Variants in LMBR1 observed in about 807,000 individuals in gnomAD.
LMBR1 encodes the protein limb development membrane protein 1.
A neutral mutation model predicts 73.9 loss-of-function variants in LMBR1; 52 were observed. That is an observed-to-expected ratio of 0.70 (90% CI 0.56 to 0.89). The LOEUF is 0.89. Ranked by LOEUF, LMBR1 falls within the 40% of genes least tolerant of loss-of-function variation. The pLI is 0.00. For synonymous variants in LMBR1, 215 were observed against 209.4 expected (o/e 1.03, Z -0.23); for missense variants, 539 against 579.8 (o/e 0.93, Z 0.72).
chr7:156,892,612 A>C, intron 1 of LMBR1: 7 of 235,144 alleles, frequency 3.0e-5, no homozygotes, highest in East Asian at 8.5e-5. Flanking sequence ...GCGGGAAGGG[A>C]AGGGCAGCAC....
intron 4 of LMBR1, among the ~76,000 whole-genome samples, chr7:156,814,532 T>C (rs983022710): frequency 6.6e-6 from 1 of 152,184 alleles, no homozygotes; most frequent in African/African-American, 2.4e-5. Flanking sequence ...AAAATCTAAT[T>C]TCAGTAAAAT....
intron 1 of LMBR1, among the ~76,000 whole-genome samples, chr7:156,844,565 A>G (rs1280778570): frequency 6.6e-6 from 1 of 152,060 alleles, no homozygotes; most frequent in African/African-American, 2.4e-5. Context: ...ACCAAAAAAA[A>G]GAAAAAAACA....
chr7:156,837,213 C>T (rs920389651), intron 1 of LMBR1, among the ~76,000 whole-genome samples: 1 of 151,184 alleles, frequency 6.6e-6, no homozygotes, highest in Non-Finnish European at 1.5e-5. Context: ...GGTGCACCTG[C>T]AATCCCAGCT....
At chr7:156,790,953 A>G (rs1243072194) in intron 5 of LMBR1, among the ~76,000 whole-genome samples, 1 of 152,206 alleles carries the variant, frequency 6.6e-6, no homozygotes, top group Non-Finnish European at 1.5e-5. Context: ...CAGCATTATC[A>G]GAATAGAGTA....
intron 15 of LMBR1, among the ~76,000 whole-genome samples, 168 bp downstream of exon 15, chr7:156,723,944 G>A (rs1815157310): frequency 6.6e-6 from 1 of 152,118 alleles, no homozygotes; most frequent in Admixed American, 6.6e-5. Flanking sequence ...AAAAGTATTT[G>A]TCTTGGTATG....
intron 5 of LMBR1, among the ~76,000 whole-genome samples, chr7:156,785,846 G>A (rs1827978031): frequency 6.6e-6 from 1 of 152,086 alleles, no homozygotes. Flanking sequence ...TCAAGATGAT[G>A]GGTCTCACAA....
intron 1 of LMBR1, among the ~76,000 whole-genome samples, chr7:156,861,464 G>C (rs1015417639): frequency 2.6e-5 from 4 of 152,150 alleles, no homozygotes; most frequent in African/African-American, 4.8e-5. Flanking sequence ...CTGCCACAAA[G>C]GTCTCTGACA....
intron 1 of LMBR1, among the ~76,000 whole-genome samples, chr7:156,889,261 T>C (rs1362349454): frequency 6.6e-6 from 1 of 152,134 alleles, no homozygotes; most frequent in Non-Finnish European, 1.5e-5. Context: ...CAAGTTTCAG[T>C]TGATGAAAAA....
chr7:156,792,364 C>T (rs1829371366), intron 5 of LMBR1, among the ~76,000 whole-genome samples: 1 of 152,184 alleles, frequency 6.6e-6, no homozygotes, highest in African/African-American at 2.4e-5. Flanking sequence ...CTTTCAAATA[C>T]CTATGAACAT....
chr7:156,692,092 T>G (rs1585207858), intron 15 of LMBR1, among the ~76,000 whole-genome samples: 4 of 152,304 alleles, frequency 2.6e-5, no homozygotes, highest in Middle Eastern at 6.8e-3. Context: ...CTTTTTTTTT[T>G]GAGATGGAGT....
At chr7:156,763,249 A>AT (rs1378343847) in intron 6 of LMBR1, 73 bp from the exon 7 acceptor site, 1 of 647,938 alleles carries the variant, frequency 1.5e-6, no homozygotes, top group African/African-American at 1.9e-5. Context: ...CTATCTTACG[A>AT]TAAGATAGAG....
intron 9 of LMBR1, among the ~76,000 whole-genome samples, chr7:156,739,404 G>A (rs570029303): frequency 6.6e-6 from 1 of 152,324 alleles, no homozygotes; most frequent in African/African-American, 2.4e-5. Context: ...AACCTGGCTG[G>A]CTTCCCCCAC....
chr7:156,887,610 G>A (rs142647520), intron 1 of LMBR1, among the ~76,000 whole-genome samples: 1 of 152,180 alleles, frequency 6.6e-6, no homozygotes, highest in African/African-American at 2.4e-5. Context: ...GCCAGTTGGT[G>A]ATGAATTCTT....
chr7:156,730,280 G>A (rs1470680220), intron 10 of LMBR1, among the ~76,000 whole-genome samples: 2 of 152,220 alleles, frequency 1.3e-5, no homozygotes, highest in Non-Finnish European at 2.9e-5. Flanking sequence ...ACAGAAAGAT[G>A]CAACTATGAG....
rs539978774 is a variant in LMBR1, at chr7:156,789,696, G to T, written c.423+6693C>A. On this transcript the variant is annotated intron_variant, in intron 5 of 16. Coordinates refer to ENST00000353442, the MANE Select transcript of LMBR1 (RefSeq NM_022458.4). The stretch of plus-strand genomic sequence containing the variant: ...CAATTCAACCCCTAGCCTCTCTGGT[G>T]AGCTCTTGTCCTGCAGGCCTGTGGT... Among the ~76,000 whole-genome samples, 8 of 152,194 alleles carry T rather than the reference G, an allele frequency of 5.3e-5. No individual in the cohort carries two copies. Among genetic ancestry groups the T allele is most frequent in the African/African-American group, 1.7e-4 (7 of 41,444 alleles).
intron 5 of LMBR1, among the ~76,000 whole-genome samples, chr7:156,767,304 G>C (rs1344483017): frequency 6.6e-6 from 1 of 152,084 alleles, no homozygotes; most frequent in Non-Finnish European, 1.5e-5. Flanking sequence ...GCACGGAATT[G>C]TTGGTGAACA....
intron 4 of LMBR1, among the ~76,000 whole-genome samples, chr7:156,817,076 T>C (rs1297471366): frequency 2.0e-5 from 3 of 152,182 alleles, no homozygotes; most frequent in African/African-American, 7.2e-5. Context: ...GGTATTTGAA[T>C]TTAAAGTTAT....
Position 156,795,654 on chromosome 7 carries a change from G to A in LMBR1, c.423+735C>T, listed in dbSNP as rs1027443175. The stretch of plus-strand genomic sequence containing the variant: ...CCACAGCTTCAACCTGCAGGCTCAA[G>A]CAATCCTCCCACCTTAGTCTCCAGA... On this transcript the variant is annotated intron_variant, in intron 5 of 16. Coordinates refer to ENST00000353442, the MANE Select transcript of LMBR1 (RefSeq NM_022458.4). Among the ~76,000 whole-genome samples the A allele has an allele frequency of 3.3e-5, 5 of 152,260 alleles. No individual in the cohort carries two copies. The East Asian group carries it at 9.6e-4, about 29-fold the overall frequency.
chr7:156,720,538 A>G (rs1814316273), intron 15 of LMBR1, among the ~76,000 whole-genome samples: 1 of 152,100 alleles, frequency 6.6e-6, no homozygotes, highest in Non-Finnish European at 1.5e-5. Context: ...TTGGCACAAA[A>G]CATTTTTAAG....
Sources: allele counts gnomAD v4.1 joint callset (sites outside exome capture counted in the v4.1 genomes callset), GRCh38; gene constraint gnomAD v4.1.1; transcripts MANE v1.5; gene names NCBI Gene and HGNC (gene_info 2026-07-23, HGNC 2026-07-21).